Variants in THADA observed in about 807,000 individuals in gnomAD.
The protein encoded by THADA is tRNA (32-2'-O)-methyltransferase regulator THADA.
Under a neutral mutation model 219.8 loss-of-function variants are expected in THADA, and 213 were observed. That is an observed-to-expected ratio of 0.97 (90% confidence interval 0.87 to 1.09). The LOEUF is 1.09. Among genes scored for constraint, THADA ranks in the 50% least tolerant of loss-of-function variants. The pLI is 0.00. For synonymous variants in THADA, 1,018 were observed against 828.9 expected, an observed-to-expected ratio of 1.23 and a Z score of -3.92; for missense variants, 2,956 against 2,311.3, an observed-to-expected ratio of 1.28 and a Z score of -5.72.
At chr2:43,565,394 T>G (rs577078737) in intron 15 of THADA, 1 of 145,284 alleles carries the variant, frequency 6.9e-6, no homozygotes, top group Admixed American at 7.0e-5. Flanking sequence ...ATCATGCCAC[T>G]GTACCCCAGC....
At chr2:43,335,646 A>T (rs1666327785) in intron 30 of THADA, among the ~76,000 whole-genome samples, 1 of 152,130 alleles carries the variant, frequency 6.6e-6, no homozygotes, top group African/African-American at 2.4e-5. Flanking sequence ...AGGGATAGTT[A>T]TTCTATTTAA....
At chr2:43,578,717 A>T (rs917378582) in intron 8 of THADA, 110 bp from the exon 9 acceptor site, 2 of 605,978 alleles carry the variant, frequency 3.3e-6, no homozygotes, top group Non-Finnish European at 5.6e-6. Flanking sequence ...TTCTAGTCTG[A>T]CCACTTCCTG....
Position 43,231,183 on chromosome 2 carries a change from G to A in THADA, c.5627C>T (p.Ser1876Leu). ...EMLCHLQRMV[S>L]EQCHLLSQFF... ...CTGAGACAGGAGGTGGCACTGCTCT[G>A]ACACCATCCTTTGAAGGTGACAGAG... The change falls in exon 38 of 38, where the codon TCA becomes TTA. Residue 1876 changes from serine to leucine, a missense_variant. Transcript: ENST00000405975. The A allele has an allele frequency of 6.2e-7, 1 of 1,613,840 alleles. No individual in the cohort carries two copies. The highest frequency in any genetic ancestry group is 8.5e-7 in the Non-Finnish European group (1 of 1,179,810).
At chr2:43,517,164 A>C (rs933170896) in intron 22 of THADA, among the ~76,000 whole-genome samples, 1 of 152,058 alleles carries the variant, frequency 6.6e-6, no homozygotes, top group Non-Finnish European at 1.5e-5. Flanking sequence ...TTTGTGACTG[A>C]CTTGAATTGA....
At chr2:43,514,508 TATATATA>T (rs1021245651) in intron 22 of THADA, among the ~76,000 whole-genome samples, 8 of 137,142 alleles carry the variant, frequency 5.8e-5, no homozygotes, top group Non-Finnish European at 1.1e-4. Flanking sequence ...ACGTATATTT[TATATATA>T]ATATATAATA....
At chr2:43,540,599 T>C (rs1169765922) in intron 21 of THADA, among the ~76,000 whole-genome samples, 1 of 152,174 alleles carries the variant, frequency 6.6e-6, no homozygotes, top group African/African-American at 2.4e-5. Context: ...AGAAATCTAA[T>C]AAATCTAAAA....
intron 29 of THADA, among the ~76,000 whole-genome samples, chr2:43,385,606 C>CAAA (rs532857816): frequency 0.013 from 577 of 44,772 alleles, no homozygotes; most frequent in East Asian, 0.018. Context: ...GACTCCGTCT[C>CAAA]AAAAAAAAAA....
Position 43,508,040 on chromosome 2 carries a change from C to A in THADA, c.3507+608G>T, listed in dbSNP as rs549056880. On this transcript the variant is annotated intron_variant, in intron 23 of 37. Transcript: ENST00000405975. Reference sequence around the variant, plus strand: ...GGAGTCAGGCTGCCTGGGCTCAAGTCTTAACTCAGTTCTTACTGTCTCTGT... The same window carrying A: ...GGAGTCAGGCTGCCTGGGCTCAAGTATTAACTCAGTTCTTACTGTCTCTGT... Among the ~76,000 whole-genome samples the A allele has an allele frequency of 3.3e-5, 5 of 152,186 alleles. No homozygotes were observed. In the South Asian group the frequency reaches 1.0e-3, roughly 32 times the overall value.
At chr2:43,548,613 G>T (rs1446271611) in intron 20 of THADA, among the ~76,000 whole-genome samples, 2 of 152,196 alleles carry the variant, frequency 1.3e-5, no homozygotes, top group African/African-American at 4.8e-5. Context: ...CTTGCAGTTT[G>T]ATCTCAGACT....
In THADA at chr2:43,429,749, A is replaced by C. The variant is rs914973668; in HGVS notation, c.3926+464T>G. Among the ~76,000 whole-genome samples, 7 of 152,108 alleles carry C rather than the reference A, an allele frequency of 4.6e-5. 1 individual carries two copies. The highest frequency in any genetic ancestry group is 1.7e-4 in the African/African-American group (7 of 41,546). On this transcript the variant is annotated intron_variant, in intron 27 of 37. Coordinates refer to ENST00000405975, the MANE Select transcript of THADA (RefSeq NM_022065.5). ...TTAAGTTTGATAAAATTTAACATAAAATAGCATTTTTAAAATATAAAGACA... is the reference window on the plus strand; with the variant it reads ...TTAAGTTTGATAAAATTTAACATAACATAGCATTTTTAAAATATAAAGACA...
chr2:43,501,030 G>A (rs982664227), intron 24 of THADA, among the ~76,000 whole-genome samples: 5 of 151,424 alleles, frequency 3.3e-5, no homozygotes, highest in African/African-American at 1.2e-4. Context: ...TATGGGCCAG[G>A]CATGGTGGCT....
chr2:43,568,132 C>T (rs555291081), intron 14 of THADA, among the ~76,000 whole-genome samples: 2 of 152,288 alleles, frequency 1.3e-5, no homozygotes, highest in East Asian at 3.9e-4. Flanking sequence ...GGTTATTGAA[C>T]TTCACTGAGC....
intron 15 of THADA, chr2:43,566,276 A>T: frequency 1.9e-6 from 1 of 524,108 alleles, no homozygotes; most frequent in Non-Finnish European, 3.4e-6. Context: ...ACTGAGGCAC[A>T]TGAAACAGAC....
At chr2:43,266,025 CCACCACTAT>C (rs1671483484) in intron 36 of THADA, among the ~76,000 whole-genome samples, 1 of 149,994 alleles carries the variant, frequency 6.7e-6, no homozygotes, top group Middle Eastern at 3.2e-3. Flanking sequence ...ACCACCACAA[CCACCACTAT>C]GTTCTATGAG....
chr2:43,501,457 A>C (rs1257029100), intron 24 of THADA, among the ~76,000 whole-genome samples: 1 of 152,128 alleles, frequency 6.6e-6, no homozygotes, highest in African/African-American at 2.4e-5. Flanking sequence ...AATTTTTCCC[A>C]AATAAATCAA....
intron 28 of THADA, among the ~76,000 whole-genome samples, chr2:43,410,040 G>A (rs1029375514): frequency 1.5e-4 from 23 of 151,070 alleles, no homozygotes; most frequent in Admixed American, 3.3e-4. Context: ...AAAAATAAGA[G>A]AGAGAAGAAA....
intron 8 of THADA, among the ~76,000 whole-genome samples, chr2:43,580,182 G>A (rs1409182379): frequency 7.0e-6 from 1 of 142,846 alleles, no homozygotes; most frequent in Non-Finnish European, 1.5e-5. Context: ...ACGCCACCAC[G>A]CCCAGCTAAT....
intron 16 of THADA, among the ~76,000 whole-genome samples, chr2:43,557,095 AAAAAC>A (rs1558967322): frequency 1.3e-5 from 2 of 152,264 alleles, no homozygotes; most frequent in African/African-American, 4.8e-5. Context: ...TTAAAAGAAA[AAAAAC>A]AAAACAAAAC....
chr2:43,392,484 G>A (rs1417458717), intron 29 of THADA, among the ~76,000 whole-genome samples: 1 of 152,096 alleles, frequency 6.6e-6, no homozygotes, highest in South Asian at 2.1e-4. Flanking sequence ...CCTGCTTCTT[G>A]CACAGTGATT....
Sources: allele counts gnomAD v4.1 joint callset (sites outside exome capture counted in the v4.1 genomes callset), GRCh38; gene constraint gnomAD v4.1.1; transcripts MANE v1.5; gene names NCBI Gene and HGNC (gene_info 2026-07-23, HGNC 2026-07-21).